The following STK32B variants were observed in gnomAD, a reference collection of about 807,000 sequenced individuals.
STK32B encodes serine/threonine-protein kinase 32B.
STK32B carries 43 observed loss-of-function variants against 52.6 expected under a neutral mutation model. That is an observed-to-expected ratio of 0.82 (90% CI 0.64 to 1.05). The LOEUF is 1.05. STK32B is among the 50% of genes least tolerant of loss of function. STK32B has a pLI of 0.00. For synonymous variants in STK32B, 238 were observed against 204.3 expected (o/e 1.17, Z -1.41); for missense variants, 621 against 534.6 (o/e 1.16, Z -1.59).
rs545749361 is a variant in STK32B, at chr4:5,398,320, G to T, written c.472+76G>T. Reference sequence around the variant, plus strand: ...CACTGGGAAATAGTGCGGGGGTGGGGGTTGGGTCTTGCTGAGTTGGACATT... The same window carrying T: ...CACTGGGAAATAGTGCGGGGGTGGGTGTTGGGTCTTGCTGAGTTGGACATT... On this transcript the variant is annotated intron_variant, in intron 5 of 11. Coordinates refer to ENST00000282908, the MANE Select transcript of STK32B (RefSeq NM_018401.3). This position sits in a 1 kb window ranked among gnomAD's most constrained non-coding sequence, Gnocchi z 4.9. 34 of 1,537,574 alleles carry T rather than the reference G, an allele frequency of 2.2e-5. No individual in the cohort carries two copies. The South Asian group carries it at 3.8e-4, about 17-fold the overall frequency.
chr4:5,172,933 T>G (rs976566329), intron 3 of STK32B, among the ~76,000 whole-genome samples: 2 of 152,234 alleles, frequency 1.3e-5, no homozygotes, highest in Non-Finnish European at 2.9e-5. Flanking sequence ...TGAATCCGTC[T>G]GGTCCTGGAA....
chr4:5,104,709 T>C (rs953562954), intron 1 of STK32B, among the ~76,000 whole-genome samples: 1 of 152,220 alleles, frequency 6.6e-6, no homozygotes, highest in South Asian at 2.1e-4. Flanking sequence ...GTCATTCTTA[T>C]CACAAATTGT....
intron 4 of STK32B, among the ~76,000 whole-genome samples, chr4:5,342,088 A>G (rs1733121562): frequency 6.6e-6 from 1 of 152,142 alleles, no homozygotes; most frequent in South Asian, 2.1e-4. Flanking sequence ...GAACGGTTCT[A>G]CACTGTTGGT....
intron 3 of STK32B, among the ~76,000 whole-genome samples, chr4:5,183,617 G>C (rs1440165893): frequency 6.6e-6 from 1 of 152,170 alleles, no homozygotes; most frequent in Non-Finnish European, 1.5e-5. Flanking sequence ...GGAGCATTCA[G>C]AACACACACA....
At chr4:5,032,109 T>A in the STK32B span, among the ~76,000 whole-genome samples, 1 of 151,686 alleles carries the variant, frequency 6.6e-6, no homozygotes, top group African/African-American at 2.4e-5. Context: ...TACAACGATA[T>A]ATAGGTCCTT....
Position 5,148,482 on chromosome 4 carries a change from T to A in STK32B, c.108+8522T>A, listed in dbSNP as rs183298948. On this transcript the variant is annotated intron_variant, in intron 2 of 11. Coordinates refer to ENST00000282908, the MANE Select transcript of STK32B (RefSeq NM_018401.3). ...ATTTTATAATTCCCCTTGTGATTGC[T>A]TCTTTGACCCATGAATTATTTAGTT... Among the ~76,000 whole-genome samples, 24 of 152,002 alleles carry A rather than the reference T, an allele frequency of 1.6e-4. No individual in the cohort carries two copies. In the East Asian group the frequency reaches 4.6e-3, roughly 29 times the overall value.
At chr4:5,167,258 C>T (rs766944123) in intron 2 of STK32B, among the ~76,000 whole-genome samples, 1 of 152,108 alleles carries the variant, frequency 6.6e-6, no homozygotes, top group Admixed American at 6.5e-5. Flanking sequence ...TTTGAACCCC[C>T]ACCCTGCCAC....
At chr4:5,076,697 G>A (rs1461043932) in intron 1 of STK32B, among the ~76,000 whole-genome samples, 1 of 152,126 alleles carries the variant, frequency 6.6e-6, no homozygotes, top group Non-Finnish European at 1.5e-5. Flanking sequence ...TGAATTTTAA[G>A]TTGATGAACT....
At chr4:5,282,532 A>G (rs189877559) in intron 3 of STK32B, among the ~76,000 whole-genome samples, 44 of 152,312 alleles carry the variant, frequency 2.9e-4, no homozygotes, top group Admixed American at 9.8e-4. Flanking sequence ...ATATCTTACT[A>G]TGCTGTACTA....
intron 6 of STK32B, chr4:5,432,484 AG>A (rs1713678104): frequency 6.6e-6 from 1 of 152,226 alleles, no homozygotes; most frequent in Non-Finnish European, 1.5e-5. Flanking sequence ...GATGGGAAAC[AG>A]GAATAGCAAG....
At chr4:5,485,385 A>C (rs1025363262) in intron 11 of STK32B, among the ~76,000 whole-genome samples, 1 of 152,028 alleles carries the variant, frequency 6.6e-6, no homozygotes, top group Middle Eastern at 3.2e-3. Context: ...CGAATCGGCT[A>C]CTGAGGCTTG....
At chr4:5,393,770 G>A (rs1736720160) in intron 4 of STK32B, among the ~76,000 whole-genome samples, 1 of 152,120 alleles carries the variant, frequency 6.6e-6, no homozygotes, top group Non-Finnish European at 1.5e-5. Flanking sequence ...TTCGACATGA[G>A]ATTTGGGCGG....
At chr4:5,437,292 G>A (rs1401932915) in intron 6 of STK32B, among the ~76,000 whole-genome samples, 1 of 152,244 alleles carries the variant, frequency 6.6e-6, no homozygotes, top group African/African-American at 2.4e-5. Flanking sequence ...TCCCACAGTT[G>A]TGGAGGCTGA....
At chr4:5,279,428 C>T (rs937963425) in intron 3 of STK32B, among the ~76,000 whole-genome samples, 3 of 147,388 alleles carry the variant, frequency 2.0e-5, no homozygotes, top group Non-Finnish European at 4.4e-5. Flanking sequence ...AAAGGACGGG[C>T]TTCCAAGGTT....
intron 3 of STK32B, among the ~76,000 whole-genome samples, chr4:5,285,080 C>T (rs1728460944): frequency 6.6e-6 from 1 of 152,136 alleles, no homozygotes; most frequent in African/African-American, 2.4e-5. Flanking sequence ...AATATATTTT[C>T]TCTTAAGATT....
intron 3 of STK32B, among the ~76,000 whole-genome samples, chr4:5,214,930 C>G (rs1723101401): frequency 6.6e-6 from 1 of 152,146 alleles, no homozygotes; most frequent in Non-Finnish European, 1.5e-5. Flanking sequence ...TGTCTCCAGA[C>G]TATGTATTTT....
chr4:5,378,791 C>CG lies in STK32B; in HGVS notation c.435-19412dup, dbSNP rs1577417523. Among the ~76,000 whole-genome samples, 1 of 152,010 alleles carries CG rather than the reference C, an allele frequency of 6.6e-6. No individual in the cohort carries two copies. Among genetic ancestry groups the CG allele is most frequent in the East Asian group, 1.9e-4 (1 of 5,176 alleles). ...GCTGGCTGGGTAGATGAGTTTGTGA[C>CG]GGGGAGGGTTTCTTGGAGCCCCATC... On this transcript the variant is annotated intron_variant, in intron 4 of 11. Transcript: ENST00000282908. This position sits in a 1 kb window ranked among gnomAD's most constrained non-coding sequence, Gnocchi z 4.4.
At chr4:5,489,559 A>G (rs987858021) in intron 11 of STK32B, among the ~76,000 whole-genome samples, 3 of 152,198 alleles carry the variant, frequency 2.0e-5, no homozygotes, top group Non-Finnish European at 4.4e-5. Flanking sequence ...AAACGTATGT[A>G]GACAATTATG....
At chr4:5,150,230 G>C (rs1205775070) in intron 2 of STK32B, among the ~76,000 whole-genome samples, 3 of 151,980 alleles carry the variant, frequency 2.0e-5, no homozygotes, top group Non-Finnish European at 2.9e-5. Context: ...AGTTTTTCTT[G>C]CTTTGTTTAG....
Sources: gnomAD v4.1 joint callset for allele counts (sites outside exome capture counted in the v4.1 genomes callset) on GRCh38, gnomAD v4.1.1 for gene constraint, Gnocchi (gnomAD v3.1) non-coding constraint, MANE v1.5 for transcripts, NCBI Gene and HGNC (gene_info 2026-07-23, HGNC 2026-07-21) for gene names.